Variants in IGSF10 observed in about 807,000 individuals in gnomAD.
IGSF10 encodes calvaria mechanical force protein 608.
In IGSF10, 126 loss-of-function variants were observed where a neutral mutation model predicts 128.2. The observed-to-expected ratio is 0.98, with a 90% CI of 0.85 to 1.14. The LOEUF (loss-of-function observed/expected upper bound fraction) is 1.14. Among genes scored for constraint, IGSF10 ranks in the 50% most tolerant of loss-of-function variants. The pLI, the probability that IGSF10 is intolerant of heterozygous loss-of-function variation, is 0.00. For synonymous variants in IGSF10, 1,185 were observed against 1,146.2 expected (o/e 1.03, Z -0.68); for missense variants, 3,295 against 3,149.8 (o/e 1.05, Z -1.10).
At chr3:151,557,304 T>G in the IGSF10 span, among the ~76,000 whole-genome samples, 1 of 152,090 alleles carries the variant, frequency 6.6e-6, no homozygotes, top group African/African-American at 2.4e-5. Context: ...GAGAGGTGAA[T>G]GGGCCTGAAG....
chr3:151,602,638 G>A, the IGSF10 span, among the ~76,000 whole-genome samples: 6 of 151,080 alleles, frequency 4.0e-5, no homozygotes, highest in East Asian at 2.0e-4. Context: ...CCTCATCATC[G>A]GCTGATCAGC....
the IGSF10 span, among the ~76,000 whole-genome samples, chr3:151,493,078 A>G: frequency 1.3e-5 from 2 of 152,232 alleles, no homozygotes; most frequent in Middle Eastern, 3.4e-3. Context: ...AGAAACAAAA[A>G]TATTGCATGA....
the IGSF10 span, among the ~76,000 whole-genome samples, chr3:151,551,768 A>G: frequency 1.3e-5 from 2 of 151,932 alleles, no homozygotes; most frequent in Non-Finnish European, 2.9e-5. Context: ...AAGGCATTCT[A>G]TTCTTGCAAT....
At chr3:151,497,567 T>G in the IGSF10 span, among the ~76,000 whole-genome samples, 1 of 152,232 alleles carries the variant, frequency 6.6e-6, no homozygotes, top group Non-Finnish European at 1.5e-5. Context: ...CATGCTGTTT[T>G]GGTTACTGTA....
chr3:151,460,874 C>T (rs1722020385), intron 1 of IGSF10, 72 bp downstream of exon 1: 1 of 965,306 alleles, frequency 1.0e-6, no homozygotes, highest in Non-Finnish European at 1.2e-6. Flanking sequence ...GTACTCGCTC[C>T]ATTCCCACGC....
the IGSF10 span, among the ~76,000 whole-genome samples, chr3:151,493,875 A>T: frequency 6.6e-6 from 1 of 151,960 alleles, no homozygotes; most frequent in Non-Finnish European, 1.5e-5. Context: ...AAACAAAAAC[A>T]GATTGCTAGC....
the IGSF10 span, among the ~76,000 whole-genome samples, chr3:151,492,709 T>C: frequency 4.0e-5 from 6 of 150,792 alleles, no homozygotes; most frequent in African/African-American, 1.5e-4. Flanking sequence ...CAGTACAGGC[T>C]TTCAGTGTTT....
At chr3:151,501,501 A>G in the IGSF10 span, among the ~76,000 whole-genome samples, 1 of 152,104 alleles carries the variant, frequency 6.6e-6, no homozygotes, top group Admixed American at 6.6e-5. Context: ...TCATTCAAGG[A>G]TCTATTCAAG....
the IGSF10 span, among the ~76,000 whole-genome samples, chr3:151,559,100 T>C: frequency 6.6e-6 from 1 of 152,172 alleles, no homozygotes; most frequent in Non-Finnish European, 1.5e-5. Context: ...TTCCAAGTTC[T>C]TTGGGCTAAT....
intron 5 of IGSF10, among the ~76,000 whole-genome samples, chr3:151,449,672 A>C (rs542286883): frequency 5.9e-5 from 9 of 152,312 alleles, no homozygotes; most frequent in African/African-American, 1.9e-4. Flanking sequence ...TGGCCACAGG[A>C]CCTCACTGTT....
At chr3:151,485,019 C>A in the IGSF10 span, among the ~76,000 whole-genome samples, 2 of 152,106 alleles carry the variant, frequency 1.3e-5, no homozygotes, top group Admixed American at 6.5e-5. Context: ...GCTAAAGGAT[C>A]ATGTTCTAAC....
chr3:151,549,174 G>T, the IGSF10 span, among the ~76,000 whole-genome samples: 2 of 152,198 alleles, frequency 1.3e-5, no homozygotes. Flanking sequence ...ATGGAGAGGA[G>T]TAGTTGGTTG....
In IGSF10 at chr3:151,436,877, A is replaced by C. The variant is rs1430416315; in HGVS notation, c.7684T>G (p.Trp2562Gly). 6 of 1,614,038 alleles carry C rather than the reference A, an allele frequency of 3.7e-6. No homozygotes were observed. Among genetic ancestry groups the C allele is most frequent in the Non-Finnish European group, 5.1e-6 (6 of 1,180,036 alleles). ...AGAAGGGAGTGGTCAGGCATCTCCC[A>C]TGTGATTTCTGGCTTGGGAACTCCC... ...ALGVPKPEIT[W>G]EMPDHSLLST... The change falls in exon 8 of 8, where the codon TGG (tryptophan) becomes GGG (glycine). Residue 2562 changes from tryptophan (W) to glycine (G), a missense_variant. Physicochemically the swap from Trp to Gly is radical, Grantham distance 184. Transcript: ENST00000282466.
intron 3 of IGSF10, among the ~76,000 whole-genome samples, chr3:151,457,982 T>C (rs114993396): frequency 2.8e-4 from 43 of 152,310 alleles, no homozygotes; most frequent in Non-Finnish European, 4.7e-4. Context: ...CCAACATGTG[T>C]ATTCAGACAC....
At chr3:151,540,581 T>G in the IGSF10 span, among the ~76,000 whole-genome samples, 26 of 152,318 alleles carry the variant, frequency 1.7e-4, no homozygotes, top group African/African-American at 6.0e-4. Flanking sequence ...CTATTATAAA[T>G]AGTAGTGATG....
the IGSF10 span, among the ~76,000 whole-genome samples, chr3:151,519,868 T>C: frequency 6.6e-6 from 1 of 151,798 alleles, no homozygotes; most frequent in Non-Finnish European, 1.5e-5. Flanking sequence ...AGTGAGAACA[T>C]ATTGACTTTT....
At chr3:151,611,476 G>T in the IGSF10 span, among the ~76,000 whole-genome samples, 11 of 152,252 alleles carry the variant, frequency 7.2e-5, no homozygotes, top group African/African-American at 2.6e-4. Context: ...AGAAATCCTT[G>T]ATTTTCTTTC....
At chr3:151,592,221 TACACACACACACAC>T in the IGSF10 span, among the ~76,000 whole-genome samples, 2 of 150,338 alleles carry the variant, frequency 1.3e-5, no homozygotes, top group African/African-American at 2.5e-5. Flanking sequence ...TTGAGATTAA[TACACACACACACAC>T]ACACACACAC....
the IGSF10 span, among the ~76,000 whole-genome samples, chr3:151,539,910 G>C: frequency 1.3e-5 from 2 of 151,940 alleles, no homozygotes; most frequent in Non-Finnish European, 2.9e-5. Flanking sequence ...ATTCATCTAA[G>C]AAACAAGAGG....
Sources: gnomAD v4.1 joint callset for allele counts (sites outside exome capture counted in the v4.1 genomes callset) on GRCh38, gnomAD v4.1.1 for gene constraint, MANE v1.5 for transcripts, NCBI Gene and HGNC (gene_info 2026-07-23, HGNC 2026-07-21) for gene names.